CPNE5: variants seen among roughly 807,000 people sequenced by gnomAD.
CPNE5 encodes copine-5.
Under a neutral mutation model 81.1 loss-of-function variants are expected in CPNE5, and 42 were observed. The ratio of observed to expected loss-of-function variants is 0.52; its 90% CI spans 0.40 to 0.67. The LOEUF (loss-of-function observed/expected upper bound fraction) is 0.67, where lower values mean the gene tolerates loss of function less well. CPNE5 is among the 30% of genes least tolerant of loss of function. CPNE5 has a pLI of 0.00. For missense variants in CPNE5, 612 were observed against 815.5 expected, an observed-to-expected ratio of 0.75 and a Z score of 3.04; for synonymous variants, 313 against 321.5, an observed-to-expected ratio of 0.97 and a Z score of 0.28.
intron 7 of CPNE5, chr6:36,792,340 A>G: frequency 6.6e-7 from 1 of 1,520,212 alleles, no homozygotes; most frequent in Non-Finnish European, 8.8e-7. Flanking sequence ...AGAGCCCACC[A>G]GGAAGGGTAG....
At chr6:36,803,498 GCAT>G (rs761382587) in intron 3 of CPNE5, among the ~76,000 whole-genome samples, 10 of 152,182 alleles carry the variant, frequency 6.6e-5, no homozygotes, top group African/African-American at 9.7e-5. Context: ...ACCTAACACA[GCAT>G]TTAATACACA....
At chr6:36,791,571 T>C (rs528408778) in intron 8 of CPNE5, among the ~76,000 whole-genome samples, 12 of 152,150 alleles carry the variant, frequency 7.9e-5, no homozygotes, top group Non-Finnish European at 1.5e-4. Context: ...AACACATGCG[T>C]ACGCACAGAC....
In CPNE5 at chr6:36,839,260, G is replaced by C; in HGVS notation, c.95+23C>G. On this transcript the variant is annotated intron_variant, in intron 1 of 20. Transcript: ENST00000244751. This position sits in a 1 kb window ranked among gnomAD's most constrained non-coding sequence, Gnocchi z 7.3. ...TCTGCGTCCAGGGCCGGGGCAAGGG[G>C]ACCCGGCCAGCGGGAGGCTCACCTG... The C allele has an allele frequency of 6.6e-7, 1 of 1,505,500 alleles. No homozygotes were observed. The highest frequency in any genetic ancestry group is 9.0e-7 in the Non-Finnish European group (1 of 1,115,856). The allele number at this position is 1,505,500 out of a possible 1,614,324, so 93.3% of individuals were successfully genotyped here.
chr6:36,814,493 G>A (rs542658461), intron 3 of CPNE5, among the ~76,000 whole-genome samples: 1 of 152,314 alleles, frequency 6.6e-6, no homozygotes, highest in Non-Finnish European at 1.5e-5. Flanking sequence ...AACTCATGGA[G>A]AAAGACACAG....
chr6:36,810,429 G>T (rs904840602), intron 3 of CPNE5, among the ~76,000 whole-genome samples: 1 of 152,234 alleles, frequency 6.6e-6, no homozygotes, highest in Non-Finnish European at 1.5e-5. Flanking sequence ...GGCCCCTCAT[G>T]AATCATGTTC....
chr6:36,782,152 C>T (rs1181484468), intron 8 of CPNE5, among the ~76,000 whole-genome samples: 1 of 152,088 alleles, frequency 6.6e-6, no homozygotes, highest in Non-Finnish European at 1.5e-5. Flanking sequence ...AGCCAGGATC[C>T]CCCCAGCCTT....
intron 6 of CPNE5, among the ~76,000 whole-genome samples, chr6:36,797,921 T>C (rs1769738429): frequency 6.6e-6 from 1 of 152,102 alleles, no homozygotes; most frequent in Non-Finnish European, 1.5e-5. Flanking sequence ...GACTATATGG[T>C]GTCTAGTCTA....
intron 1 of CPNE5, among the ~76,000 whole-genome samples, chr6:36,835,095 C>A (rs958916943): frequency 1.3e-5 from 2 of 152,244 alleles, no homozygotes; most frequent in African/African-American, 2.4e-5. Flanking sequence ...CAGGGCTAAG[C>A]AATGGGCTGC....
intron 1 of CPNE5, among the ~76,000 whole-genome samples, chr6:36,827,024 C>T (rs956023315): frequency 2.0e-5 from 3 of 152,124 alleles, no homozygotes; most frequent in East Asian, 1.9e-4. Flanking sequence ...GTCACTCTCC[C>T]GGTGGATGCT....
At chr6:36,762,719 C>T (rs908303192) in intron 12 of CPNE5, among the ~76,000 whole-genome samples, 198 bp downstream of exon 12, 3 of 152,154 alleles carry the variant, frequency 2.0e-5, no homozygotes, top group African/African-American at 7.2e-5. Flanking sequence ...CTTGATTTTG[C>T]CACTTACTGA....
chr6:36,835,444 T>C (rs1773408105), intron 1 of CPNE5, among the ~76,000 whole-genome samples: 1 of 152,160 alleles, frequency 6.6e-6, no homozygotes, highest in Admixed American at 6.5e-5. Context: ...TTATGATGTC[T>C]ACTGGTATCT....
intron 10 of CPNE5, among the ~76,000 whole-genome samples, chr6:36,774,162 T>G (rs1268121658): frequency 6.6e-6 from 1 of 151,140 alleles, no homozygotes; most frequent in Non-Finnish European, 1.5e-5. Flanking sequence ...GATGGGTGCA[T>G]TGCTTGAGCC....
chr6:36,742,775 C>G (rs752294725), intron 20 of CPNE5: 194 of 985,342 alleles, frequency 2.0e-4, no homozygotes, highest in Non-Finnish European at 2.3e-4. Flanking sequence ...GCACTAAGCA[C>G]AGGCTCTGAG....
Position 36,746,122 on chromosome 6 carries a change from C to T in CPNE5, c.1200+274G>A, listed in dbSNP as rs1582688965. On this transcript the variant is annotated intron_variant, in intron 16 of 20. Transcript: ENST00000244751. This position sits in a 1 kb window ranked among gnomAD's most constrained non-coding sequence, Gnocchi z 4.5. The stretch of plus-strand genomic sequence containing the variant: ...CTGGGGCCCTGAGGGATGGGTCAGC[C>T]ACAGCTCGCCTCCACCTGCACCTGC... 1 of 261,850 alleles carries T rather than the reference C, an allele frequency of 3.8e-6. No individual in the cohort carries two copies. The highest frequency in any genetic ancestry group is 4.9e-6 in the Non-Finnish European group (1 of 203,324). The allele number at this position is 261,850 out of a possible 1,614,324, so 16.2% of individuals were successfully genotyped here. A position where few individuals can be genotyped will look rare whatever the true frequency, so the allele number is the denominator to read the frequency against.
intron 9 of CPNE5, among the ~76,000 whole-genome samples, chr6:36,775,642 G>A (rs887374774): frequency 9.9e-5 from 15 of 151,698 alleles, no homozygotes; most frequent in Non-Finnish European, 2.9e-5. Context: ...CCTGACTACC[G>A]TATCTAAAAT....
At chr6:36,803,168 T>A (rs1332865069) in intron 3 of CPNE5, among the ~76,000 whole-genome samples, 1 of 152,168 alleles carries the variant, frequency 6.6e-6, no homozygotes, top group Non-Finnish European at 1.5e-5. Flanking sequence ...CCAGTCAATC[T>A]CATCGGCTAA....
chr6:36,828,362 C>T (rs1772696899), intron 1 of CPNE5, among the ~76,000 whole-genome samples: 1 of 150,172 alleles, frequency 6.7e-6, no homozygotes, highest in Non-Finnish European at 1.5e-5. Context: ...GGTGTACCAT[C>T]CGAGAGGGAG....
intron 8 of CPNE5, among the ~76,000 whole-genome samples, chr6:36,789,638 G>T (rs539954840): frequency 1.3e-5 from 2 of 152,324 alleles, no homozygotes; most frequent in African/African-American, 4.8e-5. Flanking sequence ...TCTGGGAGCT[G>T]CAACAGCTCT....
chr6:36,812,436 G>A (rs1337622704), intron 3 of CPNE5, among the ~76,000 whole-genome samples: 1 of 152,164 alleles, frequency 6.6e-6, no homozygotes, highest in African/African-American at 2.4e-5. Flanking sequence ...ATATTTACAG[G>A]TCCTGAGCAC....
Sources: gnomAD v4.1 joint callset for allele counts (sites outside exome capture counted in the v4.1 genomes callset) on GRCh38, gnomAD v4.1.1 for gene constraint, Gnocchi (gnomAD v3.1) non-coding constraint, MANE v1.5 for transcripts, NCBI Gene and HGNC (gene_info 2026-07-23, HGNC 2026-07-21) for gene names.